COL25A1: variants seen among roughly 807,000 people sequenced by gnomAD.
COL25A1 encodes collagen type XXV alpha 1 chain.
A neutral mutation model predicts 128.4 loss-of-function variants in COL25A1; 103 were observed. That is an observed-to-expected ratio of 0.80 (90% CI 0.68 to 0.94). The LOEUF (loss-of-function observed/expected upper bound fraction) is 0.94. Ranked by LOEUF, COL25A1 falls within the 40% of genes least tolerant of loss-of-function variation. The pLI, the probability that COL25A1 is intolerant of heterozygous loss-of-function variation, is 0.00. For missense variants in COL25A1, 745 were observed against 840.0 expected (o/e 0.89, Z 1.40); for synonymous variants, 279 against 277.2 (o/e 1.01, Z -0.06).
At chr4:108,893,131 T>G (rs532954008) in intron 16 of COL25A1, among the ~76,000 whole-genome samples, 1 of 152,224 alleles carries the variant, frequency 6.6e-6, no homozygotes, top group Admixed American at 6.5e-5. Context: ...ACTTCATACA[T>G]GCATCTTTGC....
intron 3 of COL25A1, among the ~76,000 whole-genome samples, chr4:109,153,989 AG>A (rs1771793170): frequency 6.6e-6 from 1 of 152,188 alleles, no homozygotes; most frequent in Non-Finnish European, 1.5e-5. Context: ...CTTGTCCCTG[AG>A]CAATTAGAAA....
intron 24 of COL25A1, among the ~76,000 whole-genome samples, chr4:108,859,395 A>G (rs1736898373): frequency 6.6e-6 from 1 of 152,194 alleles, no homozygotes; most frequent in South Asian, 2.1e-4. Flanking sequence ...CCAAACTAAC[A>G]CAAGGTTTAT....
chr4:109,271,967 G>A (rs949826511), intron 3 of COL25A1, among the ~76,000 whole-genome samples: 1 of 152,114 alleles, frequency 6.6e-6, no homozygotes, highest in Non-Finnish European at 1.5e-5. Context: ...GGGTGGGCAT[G>A]GTGGCTCATG....
chr4:108,954,991 AAAGTTTAT>A (rs1749899733), intron 8 of COL25A1, among the ~76,000 whole-genome samples: 1 of 151,936 alleles, frequency 6.6e-6, no homozygotes, highest in African/African-American at 2.4e-5. Context: ...CCATAGCAAC[AAAGTTTAT>A]GTTTTAAAAA....
intron 11 of COL25A1, among the ~76,000 whole-genome samples, chr4:108,925,515 T>C: frequency 6.6e-6 from 1 of 152,128 alleles, no homozygotes; most frequent in Non-Finnish European, 1.5e-5. Context: ...CCAAGTAGGC[T>C]ATCAGTGAGT....
rs1560659229 is a variant in COL25A1, at chr4:109,083,450, T to TAAA, written c.368-33272_368-33271insTTT. Among the ~76,000 whole-genome samples, 92 of 36,100 alleles carry TAAA rather than the reference T, an allele frequency of 2.5e-3. 1 individual carries two copies. The highest frequency in any genetic ancestry group is 7.8e-3 in the African/African-American group (92 of 11,730). 23.7% of individuals were successfully genotyped at this position (36,100 alleles called of 152,430 possible). A position where few individuals can be genotyped will look rare whatever the true frequency, so the allele number is the denominator to read the frequency against. ...CCAATAACTTTTACACTAAATAAAT[T>TAAA]TTTTTTTTTTTTTTTTTTTTTTTTT... On this transcript the variant is annotated intron_variant, in intron 3 of 37. Coordinates refer to ENST00000399132, the MANE Select transcript of COL25A1 (RefSeq NM_198721.4).
intron 6 of COL25A1, among the ~76,000 whole-genome samples, chr4:108,992,516 C>T (rs977580156): frequency 1.3e-5 from 2 of 152,112 alleles, no homozygotes; most frequent in South Asian, 2.1e-4. Flanking sequence ...CCACCATGAA[C>T]TATTTTCTAT....
At chr4:109,286,050 A>G (rs1723861583) in intron 3 of COL25A1, among the ~76,000 whole-genome samples, 1 of 152,152 alleles carries the variant, frequency 6.6e-6, no homozygotes, top group South Asian at 2.1e-4. Context: ...AGAAACAGGA[A>G]ATAGTATCTG....
chr4:109,265,518 C>CGTGTGTGT (rs57643656), intron 3 of COL25A1, among the ~76,000 whole-genome samples: 1,689 of 129,670 alleles, frequency 0.013, 21 homozygotes, highest in Middle Eastern at 0.024. Context: ...AATAACAGTA[C>CGTGTGTGT]GTGTGTGTGT....
intron 13 of COL25A1, among the ~76,000 whole-genome samples, chr4:108,910,971 C>A (rs1744141118): frequency 6.6e-6 from 1 of 152,264 alleles, no homozygotes; most frequent in Admixed American, 6.5e-5. Context: ...ATCATGGCTA[C>A]CCCTTGGCAA....
chr4:109,147,813 T>A (rs1468837780), intron 3 of COL25A1, among the ~76,000 whole-genome samples: 2 of 139,550 alleles, frequency 1.4e-5, no homozygotes, highest in African/African-American at 2.7e-5. Context: ...AAAGACTCTG[T>A]CTCAAAAAAA....
At chr4:108,818,106 G>C (rs1578438489) in intron 36 of COL25A1, among the ~76,000 whole-genome samples, 1 of 152,204 alleles carries the variant, frequency 6.6e-6, no homozygotes, top group Non-Finnish European at 1.5e-5. Flanking sequence ...TTATTTTAAA[G>C]TGTATGCATT....
intron 3 of COL25A1, among the ~76,000 whole-genome samples, chr4:109,091,635 T>C (rs1220476250): frequency 2.0e-5 from 3 of 152,124 alleles, no homozygotes; most frequent in African/African-American, 7.2e-5. Flanking sequence ...CTGAGAGTTC[T>C]TTTAGAAGTC....
intron 3 of COL25A1, among the ~76,000 whole-genome samples, chr4:109,133,489 C>T (rs1217329555): frequency 6.6e-6 from 1 of 151,910 alleles, no homozygotes; most frequent in Non-Finnish European, 1.5e-5. Flanking sequence ...ATTAAGAAAA[C>T]AACAAGCAGA....
chr4:108,846,785 GTTC>G (rs1458487404), intron 27 of COL25A1, among the ~76,000 whole-genome samples: 1 of 151,786 alleles, frequency 6.6e-6, no homozygotes, highest in Non-Finnish European at 1.5e-5. Flanking sequence ...TCTTCACAGT[GTTC>G]TTATTTTGTT....
At chr4:109,222,693 C>T (rs746679425) in intron 3 of COL25A1, among the ~76,000 whole-genome samples, 4 of 152,130 alleles carry the variant, frequency 2.6e-5, no homozygotes, top group South Asian at 2.1e-4. Flanking sequence ...TTTAAAAAGT[C>T]ATGTTGTCTT....
chr4:109,012,183 T>C (rs1010291110), intron 5 of COL25A1, among the ~76,000 whole-genome samples: 2 of 152,228 alleles, frequency 1.3e-5, no homozygotes, highest in South Asian at 2.1e-4. Context: ...CCGCTAACTT[T>C]ATTAAAAAAA....
At chr4:109,042,478 G>A (rs763922653) in intron 5 of COL25A1, among the ~76,000 whole-genome samples, 8 of 151,854 alleles carry the variant, frequency 5.3e-5, no homozygotes, top group African/African-American at 9.7e-5. Flanking sequence ...AATTCTCTGG[G>A]CTTTTGCTTC....
At chr4:108,991,839 A>T (rs1754260992) in intron 6 of COL25A1, among the ~76,000 whole-genome samples, 1 of 152,194 alleles carries the variant, frequency 6.6e-6, no homozygotes, top group Non-Finnish European at 1.5e-5. Context: ...TTAGTATATA[A>T]TTAAAAACAT....
Sources: gnomAD v4.1 joint callset for allele counts (sites outside exome capture counted in the v4.1 genomes callset) on GRCh38, gnomAD v4.1.1 for gene constraint, MANE v1.5 for transcripts, NCBI Gene and HGNC (gene_info 2026-07-23, HGNC 2026-07-21) for gene names.